The following XKR6 variants were observed in gnomAD, a reference collection of about 807,000 sequenced individuals.
XKR6 encodes XK related 6.
In XKR6, 22 loss-of-function variants were observed where a neutral mutation model predicts 56.7. The ratio of observed to expected loss-of-function variants is 0.39; its 90% CI spans 0.28 to 0.55. The LOEUF is 0.55. XKR6 is among the 20% of genes least tolerant of loss of function. XKR6 has a pLI of 0.66. For synonymous variants in XKR6, 524 were observed against 387.8 expected (o/e 1.35, Z -4.13); for missense variants, 852 against 889.0 (o/e 0.96, Z 0.53).
At chr8:11,102,996 C>G (rs7843934) in intron 1 of XKR6, among the ~76,000 whole-genome samples, 20,086 of 152,182 alleles carry the variant, frequency 0.13, 4,237 homozygotes, top group African/African-American at 0.45. Context: ...GGCTTTTATG[C>G]AGTCTTTTAC....
At chr8:11,158,645 CA>C (rs969614001) in intron 1 of XKR6, among the ~76,000 whole-genome samples, 3 of 152,162 alleles carry the variant, frequency 2.0e-5, no homozygotes, top group African/African-American at 7.2e-5. Flanking sequence ...AAAAACAAAA[CA>C]AAACGTTTAA....
chr8:10,941,904 C>T (rs1801395926), intron 1 of XKR6, among the ~76,000 whole-genome samples: 1 of 151,966 alleles, frequency 6.6e-6, no homozygotes, highest in Admixed American at 6.5e-5. Context: ...GCCTCTGCCC[C>T]AGCAGCCAGG....
At chr8:11,018,939 G>A (rs1169449924) in intron 1 of XKR6, among the ~76,000 whole-genome samples, 5 of 152,086 alleles carry the variant, frequency 3.3e-5, no homozygotes, top group Non-Finnish European at 7.4e-5. Flanking sequence ...CTGCCACCAT[G>A]CTCATCTGGA....
intron 1 of XKR6, among the ~76,000 whole-genome samples, chr8:11,196,418 C>G (rs1480505152): frequency 6.6e-6 from 1 of 150,886 alleles, no homozygotes; most frequent in Non-Finnish European, 1.5e-5. Context: ...AAAAAGCAAA[C>G]AAAACAAAAC....
intron 1 of XKR6, among the ~76,000 whole-genome samples, chr8:10,970,597 A>T (rs923261845): frequency 6.6e-6 from 1 of 151,912 alleles, no homozygotes; most frequent in Non-Finnish European, 1.5e-5. Context: ...CCTTTGCAAG[A>T]CACAGTGTCT....
intron 1 of XKR6, among the ~76,000 whole-genome samples, chr8:11,171,362 A>G (rs1337163473): frequency 6.6e-6 from 1 of 152,280 alleles, no homozygotes; most frequent in African/African-American, 2.4e-5. Context: ...CCAGAGATTA[A>G]GAGTTGCAGC....
intron 1 of XKR6, among the ~76,000 whole-genome samples, chr8:11,069,273 G>A (rs189695333): frequency 2.0e-5 from 3 of 151,608 alleles, no homozygotes; most frequent in African/African-American, 7.3e-5. Flanking sequence ...TGGAGGGACC[G>A]ACTCTGGCCT....
intron 1 of XKR6, among the ~76,000 whole-genome samples, chr8:10,958,309 C>T (rs1801959198): frequency 6.6e-6 from 1 of 152,162 alleles, no homozygotes; most frequent in South Asian, 2.1e-4. Context: ...AGTGCTGGGG[C>T]TTGGGGAGCA....
chr8:11,054,115 A>C (rs1563106497), intron 1 of XKR6, among the ~76,000 whole-genome samples: 1 of 152,212 alleles, frequency 6.6e-6, no homozygotes, highest in Non-Finnish European at 1.5e-5. Context: ...AGTTCCAAGC[A>C]TGCACTGTCA....
intron 1 of XKR6, among the ~76,000 whole-genome samples, chr8:11,010,998 A>C (rs537213239): frequency 1.2e-4 from 19 of 152,176 alleles, no homozygotes; most frequent in Admixed American, 7.2e-4. Flanking sequence ...CACTGTATAC[A>C]TTGTCTCCGC....
intron 1 of XKR6, among the ~76,000 whole-genome samples, chr8:10,968,698 G>A (rs1029251957): frequency 3.9e-5 from 6 of 152,236 alleles, no homozygotes; most frequent in Non-Finnish European, 7.3e-5. Flanking sequence ...AAAACCACCA[G>A]GAGGAGAAAG....
At chr8:11,190,000 T>C (rs1417470702) in intron 1 of XKR6, among the ~76,000 whole-genome samples, 1 of 151,740 alleles carries the variant, frequency 6.6e-6, no homozygotes, top group Non-Finnish European at 1.5e-5. Flanking sequence ...CTACTAAAAG[T>C]ACAAAAATTA....
In XKR6 at chr8:11,191,754, T is replaced by A. The variant is rs558530502; in HGVS notation, c.764+8822A>T. ...TATTCTAAAGAAACAGCAATATAAT[T>A]CATAAATTTTTATCAAGTCCCTGAT... On this transcript the variant is annotated intron_variant, in intron 1 of 2. Coordinates refer to ENST00000416569, the MANE Select transcript of XKR6 (RefSeq NM_173683.4). Among the ~76,000 whole-genome samples, 36 of 150,902 alleles carry A rather than the reference T, an allele frequency of 2.4e-4. No homozygotes were observed. In the South Asian group the frequency reaches 7.3e-3, roughly 31 times the overall value.
At chr8:11,156,729 G>A (rs1420874957) in intron 1 of XKR6, among the ~76,000 whole-genome samples, 1 of 152,002 alleles carries the variant, frequency 6.6e-6, no homozygotes, top group African/African-American at 2.4e-5. Context: ...GGGTGGGAAG[G>A]GGAAAGACAA....
intron 1 of XKR6, among the ~76,000 whole-genome samples, chr8:11,134,598 T>C (rs1445374526): frequency 1.3e-5 from 2 of 152,116 alleles, no homozygotes; most frequent in East Asian, 1.9e-4. Flanking sequence ...ATTTTGTATA[T>C]TTTTATATTT....
intron 1 of XKR6, among the ~76,000 whole-genome samples, chr8:11,035,023 C>A (rs1352534949): frequency 1.3e-5 from 2 of 152,236 alleles, no homozygotes; most frequent in Non-Finnish European, 2.9e-5. Flanking sequence ...CATATGCGTA[C>A]ACATTTAGTA....
intron 1 of XKR6, among the ~76,000 whole-genome samples, chr8:11,024,426 G>C (rs1340838404): frequency 6.6e-6 from 1 of 152,168 alleles, no homozygotes; most frequent in African/African-American, 2.4e-5. Context: ...ATGATGTAGG[G>C]ATGCTCTAAG....
At chr8:11,095,758 T>A (rs765033210) in intron 1 of XKR6, among the ~76,000 whole-genome samples, 1 of 152,238 alleles carries the variant, frequency 6.6e-6, no homozygotes, top group African/African-American at 2.4e-5. Flanking sequence ...GGATCTGGGA[T>A]ATGACCCAGG....
chr8:11,016,532 C>G (rs1306271226), intron 1 of XKR6, among the ~76,000 whole-genome samples: 1 of 152,246 alleles, frequency 6.6e-6, no homozygotes, highest in Non-Finnish European at 1.5e-5. Context: ...TTCCCTCCCA[C>G]CATCCCTGCC....
Sources: gnomAD v4.1 joint callset for allele counts (sites outside exome capture counted in the v4.1 genomes callset) on GRCh38, gnomAD v4.1.1 for gene constraint, MANE v1.5 for transcripts, NCBI Gene and HGNC (gene_info 2026-07-23, HGNC 2026-07-21) for gene names.